The following DGKH variants were observed in gnomAD, a reference collection of about 807,000 sequenced individuals.
DGKH encodes the protein diacylglycerol kinase eta.
Under a neutral mutation model 159.3 loss-of-function variants are expected in DGKH, and 90 were observed. That is an observed-to-expected ratio of 0.57 (90% confidence interval 0.48 to 0.67). DGKH has a LOEUF of 0.67. DGKH is among the 30% of genes least tolerant of loss of function. DGKH has a pLI of 0.00. For synonymous variants in DGKH, 536 were observed against 553.8 expected (o/e 0.97, Z 0.45); for missense variants, 1,181 against 1,506.1 (o/e 0.78, Z 3.57).
intron 8 of DGKH, among the ~76,000 whole-genome samples, chr13:42,166,049 A>G (rs1956306063): frequency 6.6e-6 from 1 of 152,068 alleles, no homozygotes; most frequent in Admixed American, 6.5e-5. Context: ...AATTCCCCCA[A>G]AATATACAGG....
At chr13:42,079,792 AC>A in intron 1 of DGKH, among the ~76,000 whole-genome samples, 1 of 152,278 alleles carries the variant, frequency 6.6e-6, no homozygotes, top group South Asian at 2.1e-4. Context: ...TCATTTTACC[AC>A]AGTTTGTGCA....
chr13:42,219,718 C>T lies in DGKH; in HGVS notation c.3366C>T (p.Asn1122=), dbSNP rs530460480. 2.5e-6 allele frequency: 4 copies of T among 1,613,726 alleles called. No homozygotes were observed. The highest frequency in any genetic ancestry group is 2.2e-5 in the East Asian group (1 of 44,850). ...EPPMDCTKRN[N]RSTVFRIVPK... Reference sequence around the variant, plus strand: ...CTATGGATTGCACCAAAAGGAACAACAGAAGCACCGTATTTCGAATAGTGC... The same window carrying T: ...CTATGGATTGCACCAAAAGGAACAATAGAAGCACCGTATTTCGAATAGTGC... Residue 1122 remains asparagine (N), a synonymous_variant, in exon 28 of 30, where the codon AAC becomes AAT. Transcript: ENST00000337343.
At chr13:42,227,692 T>C (rs530830573) in intron 29 of DGKH, among the ~76,000 whole-genome samples, 2 of 152,350 alleles carry the variant, frequency 1.3e-5, no homozygotes, top group African/African-American at 4.8e-5. Context: ...GTCAGTTAAA[T>C]ATTTATGAAA....
chr13:42,043,480 C>T (rs61732602), intron 1 of DGKH, among the ~76,000 whole-genome samples: 23,627 of 151,924 alleles, frequency 0.16, 2,068 homozygotes, highest in Non-Finnish European at 0.21. Flanking sequence ...GCTAGGACTA[C>T]AGGCACATGC....
chr13:42,189,284 G>T lies in DGKH; in HGVS notation c.1887G>T (p.Arg629Ser). The T allele has an allele frequency of 6.2e-7, 1 of 1,614,202 alleles. No individual in the cohort carries two copies. The highest frequency in any genetic ancestry group is 1.1e-5 in the South Asian group (1 of 91,080). Residue 629 changes from arginine to serine, a missense_variant, in exon 15 of 30, where the codon AGG becomes AGT. Around this residue, in one of 5 missense-constraint regions of DGKH, gnomAD observed 257 missense variants for 281.5 expected, o/e 0.91. Transcript: ENST00000337343. ...LRANSLKKAV[R>S]QVIEEAGKVM... is the part of the protein sequence containing the mutation. ...CAAATAGTTTAAAGAAAGCAGTGAG[G>T]CAAGTCATTGAGGAAGCCGGAAAAG...
At chr13:42,124,011 A>G (rs891054473) in intron 1 of DGKH, among the ~76,000 whole-genome samples, 2 of 152,166 alleles carry the variant, frequency 1.3e-5, no homozygotes, top group South Asian at 2.1e-4. Flanking sequence ...TGTATACTTT[A>G]TGTGCAGTTT....
intron 3 of DGKH, among the ~76,000 whole-genome samples, chr13:42,130,116 C>T (rs547976708): frequency 6.6e-6 from 1 of 152,334 alleles, no homozygotes; most frequent in Non-Finnish European, 1.5e-5. Flanking sequence ...GATCACATTG[C>T]TTAAAAAGAC....
chr13:42,209,158 A>G, intron 22 of DGKH, 86 bp downstream of exon 22: 2 of 1,360,836 alleles, frequency 1.5e-6, no homozygotes, highest in South Asian at 1.4e-5. Context: ...TACACTGGAT[A>G]TTCATCTATA....
chr13:42,173,909 T>G lies in DGKH; in HGVS notation c.1368-151T>G, dbSNP rs1956529343. 3 of 467,216 alleles carry G rather than the reference T, an allele frequency of 6.4e-6. No individual in the cohort carries two copies. In the South Asian group the frequency reaches 1.4e-4, roughly 22 times the overall value. The allele number at this position is 467,216 out of a possible 1,614,324, so 28.9% of individuals were successfully genotyped here. ...TGTGATCTCTTTTCCCATTTTTGGTTGTTTTAAGATAAAATAAACCATAGT... is the reference window on the plus strand; with the variant it reads ...TGTGATCTCTTTTCCCATTTTTGGTGGTTTTAAGATAAAATAAACCATAGT... On this transcript the variant is annotated intron_variant, in intron 11 of 29. Transcript: ENST00000337343.
chr13:42,058,798 T>C (rs1015387826), intron 1 of DGKH, among the ~76,000 whole-genome samples: 2 of 152,230 alleles, frequency 1.3e-5, no homozygotes, highest in African/African-American at 4.8e-5. Flanking sequence ...CCATGCCTTA[T>C]GTTTTCCCTC....
rs1004997492 is a variant in DGKH, at chr13:42,219,086, T to A, written c.3214-144T>A. 51 of 1,040,732 alleles carry A rather than the reference T, an allele frequency of 4.9e-5. No homozygotes were observed. The Middle Eastern group carries it at 9.6e-4, about 20-fold the overall frequency. The allele number at this position is 1,040,732 out of a possible 1,614,324, so 64.5% of individuals were successfully genotyped here. On this transcript the variant is annotated intron_variant, in intron 26 of 29. Transcript: ENST00000337343. The stretch of plus-strand genomic sequence containing the variant: ...AATGAAATCAATATAAAAGAATTTA[T>A]TCTTCTCTTAATATTCCTTAATTTA...
intron 3 of DGKH, chr13:42,153,637 CCT>C (rs909286000): frequency 2.0e-5 from 3 of 152,180 alleles, no homozygotes; most frequent in Non-Finnish European, 2.9e-5. Context: ...TTTAATGGTA[CCT>C]CTCTGCTGCA....
Position 42,189,155 on chromosome 13 carries a change from G to A in DGKH, c.1758G>A (p.Ser586=), listed in dbSNP as rs182029354. ...PLIVEEDAVE[S]SSEESLGESK... ...TTGTGGAAGAAGATGCTGTGGAATC[G>A]TCCAGTGAAGAGTCCCTGGGTGAAA... is the stretch of plus-strand genomic sequence containing the variant. The change falls in exon 15 of 30, where the codon TCG becomes TCA. Residue 586 remains serine, a synonymous_variant. Coordinates refer to ENST00000337343, the MANE Select transcript of DGKH (RefSeq NM_178009.5). 3.2e-5 allele frequency: 52 copies of A among 1,614,222 alleles called. No individual in the cohort carries two copies. In the East Asian group the frequency reaches 8.2e-4, roughly 26 times the overall value.
chr13:42,135,869 T>C (rs946696836), intron 3 of DGKH, among the ~76,000 whole-genome samples: 2 of 152,208 alleles, frequency 1.3e-5, no homozygotes, highest in Non-Finnish European at 2.9e-5. Flanking sequence ...TCTACTGTTC[T>C]CTTTCTTCCT....
In DGKH at chr13:42,190,475, A is replaced by G. The variant is rs1566175068; in HGVS notation, c.1985A>G (p.Asp662Gly). ...TCTGATTATGACAGCACAGAAACAGATGAATCTAAGGAGGAAGCTAAAGAT... is the reference window on the plus strand; with the variant it reads ...TCTGATTATGACAGCACAGAAACAGGTGAATCTAAGGAGGAAGCTAAAGAT... Reference protein sequence around the residue: ...QSSDYDSTETDESKEEAKDDG... With the variant: ...QSSDYDSTETGESKEEAKDDG... Residue 662 changes from aspartate (D) to glycine (G), a missense_variant, in exon 16 of 30, where the codon GAT becomes GGT. Physicochemically the swap from Asp to Gly is moderately conservative, Grantham distance 94. Around this residue, in one of 5 missense-constraint regions of DGKH, gnomAD observed 257 missense variants for 281.5 expected, o/e 0.91. Coordinates refer to ENST00000337343, the MANE Select transcript of DGKH (RefSeq NM_178009.5). The G allele has an allele frequency of 6.8e-6, 11 of 1,611,502 alleles. No homozygotes were observed. Among genetic ancestry groups the G allele is most frequent in the East Asian group, 2.2e-5 (1 of 44,660 alleles).
At chr13:42,181,276 CAAAAAAA>C (rs34220072) in intron 13 of DGKH, among the ~76,000 whole-genome samples, 1 of 81,254 alleles carries the variant, frequency 1.2e-5, no homozygotes, top group Non-Finnish European at 2.5e-5. Flanking sequence ...GACTCTGTCT[CAAAAAAA>C]AAAAAAAAAA....
At chr13:42,221,109 A>G (rs1205751429) in intron 28 of DGKH, 155 bp from the exon 29 acceptor site, 1 of 959,932 alleles carries the variant, frequency 1.0e-6, no homozygotes, top group Non-Finnish European at 1.5e-6. Context: ...GCATGGGAAA[A>G]AGTGGAACTA....
intron 1 of DGKH, among the ~76,000 whole-genome samples, chr13:42,117,739 A>G (rs1315613235): frequency 6.6e-6 from 1 of 152,232 alleles, no homozygotes; most frequent in African/African-American, 2.4e-5. Context: ...ATAATTCTAT[A>G]GAAAAAACAT....
At chr13:42,207,062 CTTCT>C (rs760771890) in intron 21 of DGKH, among the ~76,000 whole-genome samples, 47 of 65,380 alleles carry the variant, frequency 7.2e-4, no homozygotes, top group Middle Eastern at 7.9e-3. Flanking sequence ...TCTTTCCTTC[CTTCT>C]TTCTTTCTTT....
Sources: allele counts gnomAD v4.1 joint callset (sites outside exome capture counted in the v4.1 genomes callset), GRCh38; gene constraint gnomAD v4.1.1; regional missense constraint gnomAD v4.1.1; transcripts MANE v1.5; gene names NCBI Gene and HGNC (gene_info 2026-07-23, HGNC 2026-07-21).